ST6GALNAC1: variants seen among roughly 807,000 people sequenced by gnomAD.
The protein encoded by ST6GALNAC1 is ST6 N-acetylgalactosaminide alpha-2,6-sialyltransferase 1.
ST6GALNAC1 carries 45 observed loss-of-function variants against 56.8 expected under a neutral mutation model. That is an observed-to-expected ratio of 0.79 (90% CI 0.62 to 1.02). The LOEUF (loss-of-function observed/expected upper bound fraction) is 1.02. ST6GALNAC1 is among the 50% of genes least tolerant of loss of function. ST6GALNAC1 has a pLI of 0.00. For synonymous variants in ST6GALNAC1, 295 were observed against 297.8 expected, an observed-to-expected ratio of 0.99 and a Z score of 0.10; for missense variants, 743 against 754.8, an observed-to-expected ratio of 0.98 and a Z score of 0.18.
chr17:76,624,061 C>T (rs762294635), downstream of ST6GALNAC1, among the ~76,000 whole-genome samples: 2 of 152,148 alleles, frequency 1.3e-5, no homozygotes, highest in Non-Finnish European at 1.5e-5. Flanking sequence ...AGCAGGGCGC[C>T]GAGCTGCCGC....
In ST6GALNAC1 at chr17:76,626,294, C is replaced by G; in HGVS notation, c.1410G>C (p.Trp470Cys). ...GGCAGGAGGACAGTGGGTACCTGAA[C>G]CAGAAAAGGTTTTTTGACATCACCG... is the stretch of plus-strand genomic sequence containing the variant. Reference protein sequence around the residue: ...NQTVMSKNLFWFRHRPQEAFR... With the variant: ...NQTVMSKNLFCFRHRPQEAFR... The change falls in exon 6 of 9, where the codon TGG becomes TGC. Residue 470 changes from tryptophan to cysteine, a missense_variant. Trp to Cys is a radical substitution (Grantham distance 215, BLOSUM62 -2). Coordinates refer to ENST00000156626, the MANE Select transcript of ST6GALNAC1 (RefSeq NM_018414.5). 1.2e-6 allele frequency: 2 copies of G among 1,614,092 alleles called. No individual in the cohort carries two copies. Among genetic ancestry groups the G allele is most frequent in the African/African-American group, 1.3e-5 (1 of 75,026 alleles).
intron 1 of ST6GALNAC1, among the ~76,000 whole-genome samples, chr17:76,636,179 C>A (rs554895129): frequency 6.6e-6 from 1 of 152,176 alleles, no homozygotes; most frequent in East Asian, 1.9e-4. Flanking sequence ...CCCTTTTCTA[C>A]GCCTGTCATG....
chr17:76,640,745 C>G (rs1300331411), intron 1 of ST6GALNAC1, among the ~76,000 whole-genome samples: 3 of 152,052 alleles, frequency 2.0e-5, no homozygotes, highest in African/African-American at 7.2e-5. Flanking sequence ...TGCACAAAGT[C>G]CGGTGACCAC....
chr17:76,631,609 T>C (rs538813248), intron 1 of ST6GALNAC1, among the ~76,000 whole-genome samples: 4 of 152,028 alleles, frequency 2.6e-5, no homozygotes, highest in South Asian at 2.1e-4. Flanking sequence ...TCTTCTACTC[T>C]TTCTGTCTCT....
At chr17:76,632,361 T>G (rs1317559023) in intron 1 of ST6GALNAC1, among the ~76,000 whole-genome samples, 2 of 152,016 alleles carry the variant, frequency 1.3e-5, no homozygotes, top group African/African-American at 4.8e-5. Context: ...ACATCACACA[T>G]CTCAGGCCAC....
intron 2 of ST6GALNAC1, among the ~76,000 whole-genome samples, chr17:76,628,355 C>T (rs997838778): frequency 6.7e-6 from 1 of 149,578 alleles, no homozygotes; most frequent in Non-Finnish European, 1.5e-5. Flanking sequence ...GCAGTGGTGC[C>T]ATCATAGCTC....
the ST6GALNAC1 span, among the ~76,000 whole-genome samples, chr17:76,618,780 C>CAAAA: frequency 4.3e-3 from 597 of 137,566 alleles, 6 homozygotes; most frequent in African/African-American, 0.016. Context: ...GACTCCATAT[C>CAAAA]AAAAAAAAAA....
chr17:76,623,869 GGCCA>G (rs2075763553), downstream of ST6GALNAC1, among the ~76,000 whole-genome samples: 1 of 152,200 alleles, frequency 6.6e-6, no homozygotes, highest in Non-Finnish European at 1.5e-5. Context: ...AATTTGAGGA[GGCCA>G]ATATGGGAGT....
chr17:76,628,986 G>T, intron 2 of ST6GALNAC1, 26 bp downstream of exon 2: 1 of 1,518,650 alleles, frequency 6.6e-7, no homozygotes, highest in Non-Finnish European at 8.8e-7. Flanking sequence ...GGGAGCCAGA[G>T]GGAAGGCGTG....
At chr17:76,619,740 G>GTTTTTTTTTTTTTTTTTTTTTT in the ST6GALNAC1 span, among the ~76,000 whole-genome samples, 5 of 101,586 alleles carry the variant, frequency 4.9e-5, no homozygotes, top group African/African-American at 2.0e-4. Context: ...AATAATGTTA[G>GTTTTTTTTTTTTTTTTTTTTTT]TTTTTTTTTT....
At chr17:76,628,238 T>C (rs1294081009) in intron 2 of ST6GALNAC1, among the ~76,000 whole-genome samples, 2 of 74,760 alleles carry the variant, frequency 2.7e-5, no homozygotes, top group Admixed American at 1.4e-4. Context: ...TTTATGGGCC[T>C]TCTCCCTCCC....
At chr17:76,623,056 T>C (rs1366852244), downstream of ST6GALNAC1, among the ~76,000 whole-genome samples, 1 of 152,184 alleles carries the variant, frequency 6.6e-6, no homozygotes, top group Non-Finnish European at 1.5e-5. Context: ...GCCTCTGTCA[T>C]TTCATTTTTT....
At position 76,629,166 on chromosome 17, in the gene ST6GALNAC1, G is replaced by C. The variant is rs762468198; in HGVS notation, c.677C>G (p.Pro226Arg). Reference protein sequence around the residue: ...QKGVTTAVIPPKEKKPQATPP... With the variant: ...QKGVTTAVIPRKEKKPQATPP... ...GGTGGCCTGAGGTTTCTTCTCCTTAGGTGGGATGACTGCTGTGGTCACTCC... is the reference window on the plus strand; with the variant it reads ...GGTGGCCTGAGGTTTCTTCTCCTTACGTGGGATGACTGCTGTGGTCACTCC... Residue 226 changes from proline (P) to arginine (R), a missense_variant, in exon 2 of 9, where the codon CCT (proline) becomes CGT (arginine). Physicochemically the swap from Pro to Arg is moderately radical, Grantham distance 103. Coordinates refer to ENST00000156626, the MANE Select transcript of ST6GALNAC1 (RefSeq NM_018414.5). 1.2e-6 allele frequency: 2 copies of C among 1,614,150 alleles called. No homozygotes were observed. The highest frequency in any genetic ancestry group is 3.3e-5 in the Admixed American group (2 of 60,024).
At chr17:76,631,529 G>C (rs1567957500) in intron 1 of ST6GALNAC1, among the ~76,000 whole-genome samples, 1 of 152,214 alleles carries the variant, frequency 6.6e-6, no homozygotes, top group South Asian at 2.1e-4. Context: ...TGAGCCTCTG[G>C]GGGGGCTTGG....
chr17:76,633,246 C>T (rs1423239706), intron 1 of ST6GALNAC1, among the ~76,000 whole-genome samples: 1 of 151,984 alleles, frequency 6.6e-6, no homozygotes, highest in African/African-American at 2.4e-5. Context: ...CGTGGTGGCT[C>T]ACGCCTGTAA....
In ST6GALNAC1 at chr17:76,629,452, T is replaced by C; in HGVS notation, c.391A>G (p.Lys131Glu). Residue 131 changes from lysine (K) to glutamate (E), a missense_variant, in exon 2 of 9, where the codon AAA (lysine) becomes GAA (glutamate). Lys to Glu is a moderately conservative substitution (Grantham distance 56). Coordinates refer to ENST00000156626, the MANE Select transcript of ST6GALNAC1 (RefSeq NM_018414.5). ...RAAWKSPEKEKTMVNTLSPRG... is the reference protein window; with the variant it reads ...RAAWKSPEKEETMVNTLSPRG... Reference sequence around the variant, plus strand: ...GGTGACAGTGTGTTCACCATGGTTTTCTCTTTTTCTGGGCTCTTCCATGCT... The same window carrying C: ...GGTGACAGTGTGTTCACCATGGTTTCCTCTTTTTCTGGGCTCTTCCATGCT... The C allele has an allele frequency of 6.2e-7, 1 of 1,614,138 alleles. No individual in the cohort carries two copies. The highest frequency in any genetic ancestry group is 1.1e-5 in the South Asian group (1 of 91,080).
chr17:76,640,404 G>A (rs1164089648), intron 1 of ST6GALNAC1, among the ~76,000 whole-genome samples: 4 of 152,198 alleles, frequency 2.6e-5, no homozygotes, highest in Non-Finnish European at 4.4e-5. Context: ...CTTAACTCCA[G>A]GGCATGTGGC....
At chr17:76,626,844 G>T in intron 4 of ST6GALNAC1, 55 bp from the exon 5 acceptor site, 1 of 1,600,018 alleles carries the variant, frequency 6.2e-7, no homozygotes. Context: ...GGAGATTTGT[G>T]TAGGTGGATG....
At position 76,629,143 on chromosome 17, in the gene ST6GALNAC1, T is replaced by C. The variant is rs761130569; in HGVS notation, c.700A>G (p.Thr234Ala). The C allele has an allele frequency of 1.2e-6, 2 of 1,613,710 alleles. No homozygotes were observed. Among genetic ancestry groups the C allele is most frequent in the Admixed American group, 1.7e-5 (1 of 59,990 alleles). Reference sequence around the variant, plus strand: ...CTCTGGAAAGGGGCAGGGGGTGGGGTGGCCTGAGGTTTCTTCTCCTTAGGT... The same window carrying C: ...CTCTGGAAAGGGGCAGGGGGTGGGGCGGCCTGAGGTTTCTTCTCCTTAGGT... ...IPPKEKKPQA[T>A]PPPAPFQSPT... Residue 234 changes from threonine (T) to alanine (A), a missense_variant, in exon 2 of 9, where the codon ACC becomes GCC. Thr to Ala is a moderately conservative substitution (Grantham distance 58). Transcript: ENST00000156626.
Sources: allele counts gnomAD v4.1 joint callset (sites outside exome capture counted in the v4.1 genomes callset), GRCh38; gene constraint gnomAD v4.1.1; transcripts MANE v1.5; gene names NCBI Gene and HGNC (gene_info 2026-07-23, HGNC 2026-07-21).